The following RBM39 variants were observed in gnomAD, a reference collection of about 807,000 sequenced individuals.
RBM39 encodes RNA-binding protein 39.
A neutral mutation model predicts 79.6 loss-of-function variants in RBM39; 12 were observed. That is an observed-to-expected ratio of 0.15 (90% confidence interval 0.10 to 0.24). RBM39 has a LOEUF of 0.24. Among genes scored for constraint, RBM39 ranks in the 10% least tolerant of loss-of-function variants. RBM39 has a pLI of 1.00. For missense variants in RBM39, 243 were observed against 653.4 expected (o/e 0.37, Z 6.85); for synonymous variants, 185 against 208.4 (o/e 0.89, Z 0.97).
chr20:35,707,349 T>G, intron 13 of RBM39, 148 bp from the exon 14 acceptor site: 1 of 456,854 alleles, frequency 2.2e-6, no homozygotes, highest in South Asian at 3.8e-5. Flanking sequence ...TTGCTACTAA[T>G]GTATGTTATC....
In RBM39 at chr20:35,731,974, T is replaced by C. The variant is rs762701199; in HGVS notation, c.263A>G (p.Asp88Gly). The C allele has an allele frequency of 1.9e-6, 3 of 1,614,106 alleles. No individual in the cohort carries two copies. The highest frequency in any genetic ancestry group is 2.2e-5 in the South Asian group (2 of 91,082). ...TCTGTAGCGGCCTCTAAATCTTCGA[T>C]CTCGACTTCTTGAGCGGCTCCGTCG... ...ERRRSRSRSR[D>G]RRFRGRYRSP... Residue 88 changes from aspartate to glycine, a missense_variant, in exon 4 of 17, where the codon GAT becomes GGT. Asp to Gly is a moderately conservative substitution (Grantham distance 94). Around this residue, in one of 4 missense-constraint regions of RBM39, gnomAD observed 115 missense variants for 184.1 expected, o/e 0.62. Coordinates refer to ENST00000253363, the MANE Select transcript of RBM39 (RefSeq NM_184234.3).
At chr20:35,721,316 C>T (rs995149992) in intron 9 of RBM39, among the ~76,000 whole-genome samples, 9 of 152,132 alleles carry the variant, frequency 5.9e-5, no homozygotes, top group South Asian at 2.1e-4. Flanking sequence ...TAATAGTCTT[C>T]GTATGATTTA....
At chr20:35,722,125 T>C (rs1232037268) in intron 8 of RBM39, among the ~76,000 whole-genome samples, 1 of 152,140 alleles carries the variant, frequency 6.6e-6, no homozygotes, top group Non-Finnish European at 1.5e-5. Flanking sequence ...GTACAGTTTT[T>C]GGCTGGGCAC....
intron 14 of RBM39, among the ~76,000 whole-genome samples, chr20:35,705,904 T>C (rs967776279): frequency 9.9e-5 from 15 of 151,678 alleles, no homozygotes; most frequent in African/African-American, 3.6e-4. Flanking sequence ...GAAAGTGACT[T>C]TTAAATAGTT....
At position 35,707,208 on chromosome 20, in the gene RBM39, A is replaced by G; in HGVS notation, c.1226-7T>C. The G allele has an allele frequency of 6.3e-7, 1 of 1,593,400 alleles. No individual in the cohort carries two copies. Among genetic ancestry groups the G allele is most frequent in the Non-Finnish European group, 8.6e-7 (1 of 1,165,350 alleles). ...GCTGCAGCTAAAGCTGAAGCTAAAA[A>G]AAGAAAGAGAAAAATTAGTTTCATG... On this transcript the variant is annotated splice_polypyrimidine_tract_variant and splice_region_variant and intron_variant, in intron 13 of 16. Transcript: ENST00000253363.
At chr20:35,718,025 A>C (rs1309919283) in intron 9 of RBM39, among the ~76,000 whole-genome samples, 2 of 151,822 alleles carry the variant, frequency 1.3e-5, no homozygotes, top group Admixed American at 6.6e-5. Context: ...CGCCCAGCTA[A>C]ATTTTTTGTA....
intron 13 of RBM39, among the ~76,000 whole-genome samples, chr20:35,708,632 T>C (rs979945308): frequency 6.6e-6 from 1 of 152,116 alleles, no homozygotes; most frequent in African/African-American, 2.4e-5. Flanking sequence ...GAACTTACAT[T>C]AACAGCAAAA....
chr20:35,736,472 A>G (rs1041292169), intron 3 of RBM39: 1 of 408,282 alleles, frequency 2.4e-6, no homozygotes, highest in African/African-American at 2.1e-5. Context: ...GAATAACATT[A>G]TATATTTTCT....
At chr20:35,724,995 G>A in intron 7 of RBM39, 43 bp downstream of exon 7, 2 of 1,338,962 alleles carry the variant, frequency 1.5e-6, no homozygotes, top group Non-Finnish European at 2.1e-6. Flanking sequence ...GTTTTCTCTT[G>A]CAATTTCTAC....
intron 1 of RBM39, 147 bp from the exon 2 acceptor site, chr20:35,741,034 T>TTTTTTTTTTTTC: frequency 4.6e-5 from 15 of 323,916 alleles, no homozygotes; most frequent in Non-Finnish European, 6.8e-5. Context: ...ATTTTTCTTT[T>TTTTTTTTTTTTC]TTTTTTTTTT....
At chr20:35,722,185 A>C (rs556675112) in intron 8 of RBM39, among the ~76,000 whole-genome samples, 11 of 152,216 alleles carry the variant, frequency 7.2e-5, no homozygotes, top group Admixed American at 2.0e-4. Context: ...AAGCAGCCAG[A>C]TCACGACATC....
At chr20:35,712,596 A>T (rs1283317687) in intron 12 of RBM39, among the ~76,000 whole-genome samples, 1 of 151,970 alleles carries the variant, frequency 6.6e-6, no homozygotes, top group African/African-American at 2.4e-5. Flanking sequence ...CATGATCTTA[A>T]ATTTTTATGT....
At chr20:35,739,127 T>C in intron 2 of RBM39, 110 bp from the exon 3 acceptor site, 1 of 919,378 alleles carries the variant, frequency 1.1e-6, no homozygotes, top group Non-Finnish European at 1.7e-6. Flanking sequence ...TTAAAACTAA[T>C]TATTTACTTA....
rs2035313506 is a variant in RBM39 at position 35,702,168 on chromosome 20, T to C, written c.*2313A>G. 1 of 152,208 alleles carries C rather than the reference T, an allele frequency of 6.6e-6. No homozygotes were observed. Among genetic ancestry groups the C allele is most frequent in the African/African-American group, 2.4e-5 (1 of 41,438 alleles). 9.4% of individuals were successfully genotyped at this position (152,208 alleles called of 1,614,324 possible). A position where few individuals can be genotyped will look rare whatever the true frequency, so the allele number is the denominator to read the frequency against. On this transcript the variant is annotated 3_prime_UTR_variant, in exon 17 of 17. Transcript: ENST00000253363. Reference sequence around the variant, plus strand: ...CCCGCATTGCCCATTAAGCATTTCTTAAACAGAACTTTCAAAGATGGTAGT... The same window carrying C: ...CCCGCATTGCCCATTAAGCATTTCTCAAACAGAACTTTCAAAGATGGTAGT...
At chr20:35,710,690 C>G (rs1251304453) in intron 12 of RBM39, 2 of 152,146 alleles carry the variant, frequency 1.3e-5, no homozygotes, top group Admixed American at 1.3e-4. Flanking sequence ...ACAGTAAACA[C>G]TCAACAATTT....
rs752130182 is a variant in RBM39, at chr20:35,732,148, A to C, written c.102-13T>G. 6.2e-7 allele frequency: 1 copy of C among 1,613,536 alleles called. No homozygotes were observed. The highest frequency in any genetic ancestry group is 8.5e-7 in the Non-Finnish European group (1 of 1,179,802). On this transcript the variant is annotated splice_polypyrimidine_tract_variant and intron_variant, in intron 3 of 16. Transcript: ENST00000253363. ...GCTTTTTTTCCTCCTGAGAAGAAAA[A>C]AACTCGCCATTATCATGCTGGCTTA...
In RBM39 at chr20:35,729,302, A is replaced by C; in HGVS notation, c.416+10T>G. On this transcript the variant is annotated intron_variant, in intron 6 of 16. Coordinates refer to ENST00000253363, the MANE Select transcript of RBM39 (RefSeq NM_184234.3). ...TTTTAAGAGCTAAAGGCTTTAAAGA[A>C]GTAAACTACCTCACAGGGCTCTTGT... 6.3e-7 allele frequency: 1 copy of C among 1,578,344 alleles called. No individual in the cohort carries two copies. The highest frequency in any genetic ancestry group is 8.5e-7 in the Non-Finnish European group (1 of 1,170,184).
chr20:35,716,906 C>G, intron 9 of RBM39, 101 bp from the exon 10 acceptor site: 2 of 726,804 alleles, frequency 2.8e-6, no homozygotes, highest in East Asian at 5.6e-5. Flanking sequence ...TCCTCATCCT[C>G]CAAAATAGAA....
Position 35,742,238 on chromosome 20 carries a change from T to C in RBM39, c.-311A>G, listed in dbSNP as rs2040632064. The C allele has an allele frequency of 6.4e-6, 1 of 157,068 alleles. No homozygotes were observed. Among genetic ancestry groups the C allele is most frequent in the Non-Finnish European group, 1.4e-5 (1 of 70,550 alleles). 9.7% of individuals were successfully genotyped at this position (157,068 alleles called of 1,614,324 possible). The stretch of plus-strand genomic sequence containing the variant: ...TGAAATGGCGGCCGCTGCTTCCCTG[T>C]ACTCACATTCACCAGCACACATACA... On this transcript the variant is annotated 5_prime_UTR_variant, in exon 1 of 17. Coordinates refer to ENST00000253363, the MANE Select transcript of RBM39 (RefSeq NM_184234.3).
Sources: gnomAD v4.1 joint callset for allele counts (sites outside exome capture counted in the v4.1 genomes callset) on GRCh38, gnomAD v4.1.1 for gene constraint, gnomAD v4.1.1 regional missense constraint, MANE v1.5 for transcripts, NCBI Gene and HGNC (gene_info 2026-07-23, HGNC 2026-07-21) for gene names.